Variants in GTSF1 observed in about 807,000 individuals in gnomAD.
GTSF1 encodes gametocyte specific factor 1.
In GTSF1, 11 loss-of-function variants were observed where a neutral mutation model predicts 28.9. That is an observed-to-expected ratio of 0.38 (90% confidence interval 0.24 to 0.63). GTSF1 has a LOEUF of 0.63. GTSF1 is among the 30% of genes least tolerant of loss of function. GTSF1 has a pLI of 0.56. For missense variants in GTSF1, 146 were observed against 201.0 expected, an observed-to-expected ratio of 0.73 and a Z score of 1.66; for synonymous variants, 69 against 65.6, an observed-to-expected ratio of 1.05 and a Z score of -0.25.
intron 3 of GTSF1, 53 bp downstream of exon 3, chr12:54,465,014 A>T: frequency 2.0e-6 from 2 of 1,006,614 alleles, no homozygotes; most frequent in Non-Finnish European, 3.1e-6. Flanking sequence ...TTTATAAAAT[A>T]TGGCCTTTTA....
intron 2 of GTSF1, among the ~76,000 whole-genome samples, chr12:54,469,384 T>C (rs1232311122): frequency 6.6e-6 from 1 of 151,992 alleles, no homozygotes; most frequent in Non-Finnish European, 1.5e-5. Flanking sequence ...GCCTTCTTTT[T>C]TCTTTTTAAG....
intron 6 of GTSF1, 140 bp downstream of exon 6, chr12:54,461,969 T>C (rs1465293768): frequency 3.3e-6 from 2 of 605,340 alleles, no homozygotes; most frequent in Non-Finnish European, 5.9e-6. Flanking sequence ...TATGAAAAAA[T>C]GCCAAAACAA....
intron 2 of GTSF1, among the ~76,000 whole-genome samples, chr12:54,470,147 G>A (rs1270263401): frequency 1.3e-5 from 2 of 152,098 alleles, no homozygotes; most frequent in Non-Finnish European, 2.9e-5. Context: ...CTGCACTCCA[G>A]CCTGGGTGAC....
intron 2 of GTSF1, 48 bp downstream of exon 2, chr12:54,471,176 ATAAAACTAT>A: frequency 7.2e-7 from 1 of 1,385,250 alleles, no homozygotes; most frequent in African/African-American, 1.5e-5. Flanking sequence ...CTTGTCAGAT[ATAAAACTAT>A]ACGTAAATGA....
intron 6 of GTSF1, 109 bp downstream of exon 6, chr12:54,461,999 TC>T (rs1956430503): frequency 2.7e-6 from 2 of 733,284 alleles, no homozygotes; most frequent in Non-Finnish European, 4.7e-6. Flanking sequence ...TAAACTACCA[TC>T]AAGGAACATC....
At chr12:54,465,300 A>T (rs185856565) in intron 2 of GTSF1, 133 bp from the exon 3 acceptor site, 201 of 396,740 alleles carry the variant, frequency 5.1e-4, no homozygotes, top group African/African-American at 3.3e-3. Flanking sequence ...AACTTGGATT[A>T]AAAAAAAAGG....
chr12:54,459,205 T>C (rs542034209), intron 7 of GTSF1, 80 bp from the exon 8 acceptor site: 2 of 1,493,586 alleles, frequency 1.3e-6, no homozygotes, highest in East Asian at 4.6e-5. Flanking sequence ...TAAACACAAA[T>C]GACTTATTCC....
At chr12:54,458,013 C>T (rs1413206326) in intron 8 of GTSF1, among the ~76,000 whole-genome samples, 1 of 152,204 alleles carries the variant, frequency 6.6e-6, no homozygotes, top group East Asian at 1.9e-4. Context: ...TTATCTGTTT[C>T]ACTGTTCAGA....
chr12:54,467,211 TCACAG>T (rs1011913812), intron 2 of GTSF1, among the ~76,000 whole-genome samples: 6 of 152,186 alleles, frequency 3.9e-5, no homozygotes, highest in African/African-American at 7.2e-5. Context: ...ATATGTGAAA[TCACAG>T]TCTTTTGCTT....
chr12:54,472,695 C>G (rs1231981236), intron 1 of GTSF1: 1 of 152,164 alleles, frequency 6.6e-6, no homozygotes, highest in African/African-American at 2.4e-5. Context: ...ACCCCTCCCC[C>G]CATTCTGTGA....
At chr12:54,468,908 A>G (rs1270965872) in intron 2 of GTSF1, 1 of 152,118 alleles carries the variant, frequency 6.6e-6, no homozygotes. Context: ...GAGATTGTCC[A>G]TTTCCAACAC....
Position 54,462,693 on chromosome 12 carries a change from G to T in GTSF1, c.277C>A (p.Leu93Met). Residue 93 changes from leucine to methionine, a missense_variant, in exon 5 of 9, where the codon CTG becomes ATG. Transcript: ENST00000305879. The stretch of plus-strand genomic sequence containing the variant: ...GGGCACTGCCAAGTGCTCTCAGCCA[G>T]AGTCTCTTGTCTAAGGCTCCTGGTT... ...NQTRSLRQETLAESTWQCPPC... is the reference protein window; with the variant it reads ...NQTRSLRQETMAESTWQCPPC... 6.2e-7 allele frequency: 1 copy of T among 1,614,054 alleles called. No individual in the cohort carries two copies. Among genetic ancestry groups the T allele is most frequent in the Middle Eastern group, 1.6e-4 (1 of 6,062 alleles).
At chr12:54,460,530 T>A in intron 6 of GTSF1, 59 bp from the exon 7 acceptor site, 1 of 1,104,408 alleles carries the variant, frequency 9.1e-7, no homozygotes, top group East Asian at 2.4e-5. Context: ...CAGGCACACG[T>A]AAGATAATCA....
chr12:54,459,636 C>T, intron 7 of GTSF1: 1 of 255,774 alleles, frequency 3.9e-6, no homozygotes, highest in South Asian at 4.2e-5. Flanking sequence ...GTTCTTATGA[C>T]TTATGACTTT....
At chr12:54,468,496 A>T (rs1956552069) in intron 2 of GTSF1, among the ~76,000 whole-genome samples, 1 of 152,192 alleles carries the variant, frequency 6.6e-6, no homozygotes, top group South Asian at 2.1e-4. Flanking sequence ...AGTTGTAATA[A>T]ATACTATCAA....
chr12:54,461,042 G>T (rs1326664956), intron 6 of GTSF1, among the ~76,000 whole-genome samples: 1 of 152,106 alleles, frequency 6.6e-6, no homozygotes, highest in African/African-American at 2.4e-5. Context: ...ATTTGGGTTT[G>T]AAACTTGATC....
intron 2 of GTSF1, among the ~76,000 whole-genome samples, chr12:54,468,555 C>A (rs951318483): frequency 1.3e-5 from 2 of 152,160 alleles, no homozygotes; most frequent in African/African-American, 2.4e-5. Context: ...AATTTACTTT[C>A]GAAAACGAAG....
chr12:54,465,091 AG>A lies in GTSF1; in HGVS notation c.92del (p.Pro31LeufsTer106), dbSNP rs772271991. The stretch of plus-strand genomic sequence containing the variant: ...CCTTTCTGCACTTGATAAGATGATA[AG>A]GAAACCTGCAAGCCCTGATTTGATG... ...KNHQIRACRF[P>X]YHLIKCRKNH... On this transcript the variant is annotated frameshift_variant, in exon 3 of 9. Coordinates refer to ENST00000305879, the MANE Select transcript of GTSF1 (RefSeq NM_144594.3). LOFTEE classifies it high-confidence loss of function. 2 of 1,613,128 alleles carry A rather than the reference AG, an allele frequency of 1.2e-6. No homozygotes were observed. The highest frequency in any genetic ancestry group is 4.5e-5 in the East Asian group (2 of 44,846).
At chr12:54,465,303 A>G in intron 2 of GTSF1, 136 bp from the exon 3 acceptor site, 3 of 501,610 alleles carry the variant, frequency 6.0e-6, no homozygotes, top group Non-Finnish European at 1.1e-5. Flanking sequence ...TTGGATTAAA[A>G]AAAAAGGGTG....
Sources: gnomAD v4.1 joint callset for allele counts (sites outside exome capture counted in the v4.1 genomes callset) on GRCh38, gnomAD v4.1.1 for gene constraint, MANE v1.5 for transcripts, NCBI Gene and HGNC (gene_info 2026-07-23, HGNC 2026-07-21) for gene names.